NOLC1: variants seen among roughly 807,000 people sequenced by gnomAD.
NOLC1 encodes 140 kDa nucleolar phosphoprotein.
Under a neutral mutation model 73.4 loss-of-function variants are expected in NOLC1, and 37 were observed. The observed-to-expected ratio is 0.50, with a 90% CI of 0.39 to 0.66. The LOEUF (loss-of-function observed/expected upper bound fraction) is 0.66. Ranked by LOEUF, NOLC1 falls within the 30% of genes least tolerant of loss-of-function variation. The pLI, the probability that NOLC1 is intolerant of heterozygous loss-of-function variation, is 0.00. For missense variants in NOLC1, 921 were observed against 838.9 expected (o/e 1.10, Z -1.21); for synonymous variants, 327 against 302.6 (o/e 1.08, Z -0.84).
rs1162776436 is a variant in NOLC1 at position 102,162,926 on chromosome 10, A to G, written c.*657A>G. On this transcript the variant is annotated 3_prime_UTR_variant, in exon 13 of 13. Transcript: ENST00000605788. ...GTTTTGTTACAGGCAAAATTCTGGT[A>G]TGGCGTGAATGCCATGGGTCATTCT... 1 of 152,230 alleles carries G rather than the reference A, an allele frequency of 6.6e-6. No homozygotes were observed. Among genetic ancestry groups the G allele is most frequent in the Non-Finnish European group, 1.5e-5 (1 of 68,038 alleles). 9.4% of individuals were successfully genotyped at this position (152,230 alleles called of 1,614,324 possible).
chr10:102,159,809 G>A (rs1392355752), intron 7 of NOLC1, 87 bp from the exon 8 acceptor site: 12 of 1,338,680 alleles, frequency 9.0e-6, no homozygotes, highest in Non-Finnish European at 1.2e-5. Flanking sequence ...CAAGTGAAGG[G>A]GAATTAAGCT....
At position 102,160,328 on chromosome 10, in the gene NOLC1, T is replaced by C; in HGVS notation, c.1084T>C (p.Ser362Pro). The C allele has an allele frequency of 6.2e-7, 1 of 1,614,120 alleles. No homozygotes were observed. The highest frequency in any genetic ancestry group is 8.5e-7 in the Non-Finnish European group (1 of 1,179,972). ...PPPAKKAAESSSDSSDSDSSE... is the reference protein window; with the variant it reads ...PPPAKKAAESPSDSSDSDSSE... ...TCCAGCAAAGAAAGCAGCAGAGAGCTCTTCAGACAGCTCAGGTAAGGCATA... is the reference window on the plus strand; with the variant it reads ...TCCAGCAAAGAAAGCAGCAGAGAGCCCTTCAGACAGCTCAGGTAAGGCATA... Residue 362 changes from serine to proline, a missense_variant, in exon 9 of 13, where the codon TCT becomes CCT. Ser to Pro is a moderately conservative substitution (Grantham distance 74). Transcript: ENST00000605788.
chr10:102,160,264 A>T lies in NOLC1; in HGVS notation c.1020A>T (p.Pro340=). 6.2e-7 allele frequency: 1 copy of T among 1,614,180 alleles called. No individual in the cohort carries two copies. The change falls in exon 9 of 13, where the codon CCA becomes CCT. Residue 340 remains proline, a synonymous_variant. Coordinates refer to ENST00000605788, the MANE Select transcript of NOLC1 (RefSeq NM_004741.5). The part of the protein sequence containing the change: ...DSSSEEEKKP[P]TKAVVSKATT... The stretch of plus-strand genomic sequence containing the variant: ...GTTCTGAAGAAGAGAAGAAACCCCC[A>T]ACTAAGGCAGTAGTCTCTAAAGCAA...
Position 102,160,292 on chromosome 10 carries a change from A to G in NOLC1, c.1048A>G (p.Thr350Ala), listed in dbSNP as rs1169467911. Reference protein sequence around the residue: ...PTKAVVSKATTKPPPAKKAAE... With the variant: ...PTKAVVSKATAKPPPAKKAAE... ...TAAGGCAGTAGTCTCTAAAGCAACCACTAAACCACCTCCAGCAAAGAAAGC... is the reference window on the plus strand; with the variant it reads ...TAAGGCAGTAGTCTCTAAAGCAACCGCTAAACCACCTCCAGCAAAGAAAGC... Residue 350 changes from threonine to alanine, a missense_variant, in exon 9 of 13, where the codon ACT (threonine) becomes GCT (alanine). Coordinates refer to ENST00000605788, the MANE Select transcript of NOLC1 (RefSeq NM_004741.5). 2 of 1,614,128 alleles carry G rather than the reference A, an allele frequency of 1.2e-6. No individual in the cohort carries two copies. Among genetic ancestry groups the G allele is most frequent in the Non-Finnish European group, 1.7e-6 (2 of 1,180,036 alleles).
At position 102,160,180 on chromosome 10, in the gene NOLC1, T is replaced by G. The variant is rs1001787218; in HGVS notation, c.989-53T>G. On this transcript the variant is annotated intron_variant, in intron 8 of 12. Coordinates refer to ENST00000605788, the MANE Select transcript of NOLC1 (RefSeq NM_004741.5). ...TGTCTTTGCATTCTTTTTATTGCTG[T>G]CCTGGTTGGGTTGGGACTCTGGACC... 4.4e-5 allele frequency: 71 copies of G among 1,598,350 alleles called. No individual in the cohort carries two copies. In the Middle Eastern group the frequency reaches 8.3e-4, roughly 19 times the overall value.
At chr10:102,155,838 C>T (rs1043265522) in intron 1 of NOLC1, among the ~76,000 whole-genome samples, 1 of 152,032 alleles carries the variant, frequency 6.6e-6, no homozygotes, top group Admixed American at 6.6e-5. Context: ...ACATTCAATA[C>T]AGTACTTACT....
chr10:102,161,623 A>G lies in NOLC1; in HGVS notation c.1809A>G (p.Ile603Met). The stretch of plus-strand genomic sequence containing the variant: ...CAGAGACTCCTCAGGCCAAGAAGAT[A>G]AAGCTTCAGACCCCTAACACATTTC... ...KEAETPQAKK[I>M]KLQTPNTFPK... Residue 603 changes from isoleucine to methionine, a missense_variant, in exon 11 of 13, where the codon ATA becomes ATG. Coordinates refer to ENST00000605788, the MANE Select transcript of NOLC1 (RefSeq NM_004741.5). 6.2e-7 allele frequency: 1 copy of G among 1,614,068 alleles called. No homozygotes were observed. The highest frequency in any genetic ancestry group is 8.5e-7 in the Non-Finnish European group (1 of 1,179,950).
chr10:102,155,022 ATT>A (rs34034390), intron 1 of NOLC1, among the ~76,000 whole-genome samples: 12,064 of 131,080 alleles, frequency 0.092, 642 homozygotes, highest in African/African-American at 0.18. Context: ...CACCTGGCTA[ATT>A]TTTTTTTTTT....
At chr10:102,155,021 A>G (rs2069568005) in intron 1 of NOLC1, among the ~76,000 whole-genome samples, 1 of 137,240 alleles carries the variant, frequency 7.3e-6, no homozygotes, top group African/African-American at 2.8e-5. Context: ...ACACCTGGCT[A>G]ATTTTTTTTT....
chr10:102,160,275 T>C lies in NOLC1; in HGVS notation c.1031T>C (p.Val344Ala). 3 of 1,614,140 alleles carry C rather than the reference T, an allele frequency of 1.9e-6. No homozygotes were observed. ...EEEKKPPTKA[V>A]VSKATTKPPP... is the part of the protein sequence containing the mutation. ...GAGAAGAAACCCCCAACTAAGGCAGTAGTCTCTAAAGCAACCACTAAACCA... is the reference window on the plus strand; with the variant it reads ...GAGAAGAAACCCCCAACTAAGGCAGCAGTCTCTAAAGCAACCACTAAACCA... Residue 344 changes from valine to alanine, a missense_variant, in exon 9 of 13, where the codon GTA becomes GCA. Val to Ala is a moderately conservative substitution (Grantham distance 64, BLOSUM62 0). Coordinates refer to ENST00000605788, the MANE Select transcript of NOLC1 (RefSeq NM_004741.5).
In NOLC1 at chr10:102,158,113, C is replaced by G; in HGVS notation, c.506C>G (p.Ser169Cys). The G allele has an allele frequency of 6.2e-7, 1 of 1,614,120 alleles. No homozygotes were observed. Among genetic ancestry groups the G allele is most frequent in the South Asian group, 1.1e-5 (1 of 91,070 alleles). Residue 169 changes from serine to cysteine, a missense_variant, in exon 5 of 13, where the codon TCT becomes TGT. Coordinates refer to ENST00000605788, the MANE Select transcript of NOLC1 (RefSeq NM_004741.5). ...CCTAAGAAGGCCAAGAGCTCTGATTCTGATTCTGACTCAAGCTCCGAGGAT... is the reference window on the plus strand; with the variant it reads ...CCTAAGAAGGCCAAGAGCTCTGATTGTGATTCTGACTCAAGCTCCGAGGAT... ...APPKKAKSSDSDSDSSSEDEP... is the reference protein window; with the variant it reads ...APPKKAKSSDCDSDSSSEDEP...
chr10:102,158,107 C>T lies in NOLC1; in HGVS notation c.500C>T (p.Ser167Phe). ...GCTCCTCCTAAGAAGGCCAAGAGCTCTGATTCTGATTCTGACTCAAGCTCC... is the reference window on the plus strand; with the variant it reads ...GCTCCTCCTAAGAAGGCCAAGAGCTTTGATTCTGATTCTGACTCAAGCTCC... ...AKAPPKKAKS[S>F]DSDSDSSSED... The change falls in exon 5 of 13, where the codon TCT becomes TTT. Residue 167 changes from serine (S) to phenylalanine (F), a missense_variant. Coordinates refer to ENST00000605788, the MANE Select transcript of NOLC1 (RefSeq NM_004741.5). 2 of 1,614,050 alleles carry T rather than the reference C, an allele frequency of 1.2e-6. No individual in the cohort carries two copies. The highest frequency in any genetic ancestry group is 1.7e-6 in the Non-Finnish European group (2 of 1,179,902).
chr10:102,162,304 T>A lies in NOLC1; in HGVS notation c.*35T>A. Reference sequence around the variant, plus strand: ...ATCTTCGGTGAAGCAAGGGTGATGATCGGAGACTACTTACTTTCTCCAGTG... The same window carrying A: ...ATCTTCGGTGAAGCAAGGGTGATGAACGGAGACTACTTACTTTCTCCAGTG... On this transcript the variant is annotated 3_prime_UTR_variant, in exon 13 of 13. Transcript: ENST00000605788. 6.2e-7 allele frequency: 1 copy of A among 1,605,466 alleles called. No homozygotes were observed. Among genetic ancestry groups the A allele is most frequent in the Non-Finnish European group, 8.5e-7 (1 of 1,174,636 alleles).
At position 102,159,242 on chromosome 10, in the gene NOLC1, T is replaced by C. The variant is rs947271307; in HGVS notation, c.657T>C (p.Ser219=). ...ATGGTAAAGCAGCCAGTAGCAGCAG[T>C]AGCAGCAGCAGCAGCAGTAGCAGTG... ...IANGKAASSS[S]SSSSSSSSDD... Residue 219 remains serine (S), a synonymous_variant, in exon 6 of 13, where the codon AGT becomes AGC. Transcript: ENST00000605788. The C allele has an allele frequency of 4.0e-5, 64 of 1,612,878 alleles. No individual in the cohort carries two copies. Among genetic ancestry groups the C allele is most frequent in the East Asian group, 6.7e-5 (3 of 44,868 alleles).
rs879566703 is a variant in NOLC1, at chr10:102,160,348, G to C, written c.1099+5G>C. ...AGAGCTCTTCAGACAGCTCAGGTAA[G>C]GCATATGGAGGCCCTCAGTTCAGTG... On this transcript the variant is annotated splice_donor_5th_base_variant and intron_variant, in intron 9 of 12. Transcript: ENST00000605788. The C allele has an allele frequency of 6.2e-7, 1 of 1,613,866 alleles. No individual in the cohort carries two copies. The highest frequency in any genetic ancestry group is 1.7e-5 in the Admixed American group (1 of 60,010).
In NOLC1 at chr10:102,162,302, G is replaced by A; in HGVS notation, c.*33G>A. 1 of 1,605,938 alleles carries A rather than the reference G, an allele frequency of 6.2e-7. No individual in the cohort carries two copies. The highest frequency in any genetic ancestry group is 1.3e-5 in the African/African-American group (1 of 74,826). ...CCATCTTCGGTGAAGCAAGGGTGAT[G>A]ATCGGAGACTACTTACTTTCTCCAG... On this transcript the variant is annotated 3_prime_UTR_variant, in exon 13 of 13. Transcript: ENST00000605788.
At chr10:102,154,486 C>A (rs896181932) in intron 1 of NOLC1, among the ~76,000 whole-genome samples, 1 of 152,000 alleles carries the variant, frequency 6.6e-6, no homozygotes, top group African/African-American at 2.4e-5. Flanking sequence ...GTAATTTGTC[C>A]AAAGGTGAGT....
At chr10:102,157,665 T>C (rs989931462) in intron 4 of NOLC1, 110 bp downstream of exon 4, 1 of 1,259,634 alleles carries the variant, frequency 7.9e-7, no homozygotes, top group Admixed American at 2.8e-5. Context: ...CAATAGGTGA[T>C]TATGAGGAAG....
intron 11 of NOLC1, 37 bp downstream of exon 11, chr10:102,161,699 TTAAAAG>T (rs1273840953): frequency 6.3e-7 from 1 of 1,584,920 alleles, no homozygotes; most frequent in Non-Finnish European, 8.6e-7. Flanking sequence ...AGCCAGCTCT[TTAAAAG>T]TAGAAAAATC....
Sources: allele counts gnomAD v4.1 joint callset (sites outside exome capture counted in the v4.1 genomes callset), GRCh38; gene constraint gnomAD v4.1.1; transcripts MANE v1.5; gene names NCBI Gene and HGNC (gene_info 2026-07-23, HGNC 2026-07-21).